Variants in INPP5A observed in about 807,000 individuals in gnomAD.
INPP5A encodes 43 kDa inositol polyphosphate 5-phophatase.
A neutral mutation model predicts 65.2 loss-of-function variants in INPP5A; 14 were observed. The ratio of observed to expected loss-of-function variants is 0.21; its 90% CI spans 0.14 to 0.34. The LOEUF (loss-of-function observed/expected upper bound fraction) is 0.34, where lower values mean the gene tolerates loss of function less well. Ranked by LOEUF, INPP5A falls within the 10% of genes least tolerant of loss-of-function variation. The pLI, the probability that INPP5A is intolerant of heterozygous loss-of-function variation, is 1.00. For missense variants in INPP5A, 431 were observed against 545.6 expected, an observed-to-expected ratio of 0.79 and a Z score of 2.09; for synonymous variants, 207 against 208.3, an observed-to-expected ratio of 0.99 and a Z score of 0.05.
intron 8 of INPP5A, among the ~76,000 whole-genome samples, chr10:132,725,605 G>C (rs112806915): frequency 1.3e-5 from 2 of 152,188 alleles, no homozygotes; most frequent in Non-Finnish European, 2.9e-5. Flanking sequence ...GGGCCCTACC[G>C]TGCCCCTCAT....
Position 132,538,253 on chromosome 10 carries a change from C to A in INPP5A, c.75+82C>A. On this transcript the variant is annotated intron_variant, in intron 1 of 15. Transcript: ENST00000368594. This position sits in a 1 kb window ranked among gnomAD's most constrained non-coding sequence, Gnocchi z 4.1. ...GGGGTCCCGAACTGCAAGCCTTGGA[C>A]CCTGGACCGTGAACCTCCAGACCCA... 1.2e-6 allele frequency: 1 copy of A among 817,938 alleles called. No individual in the cohort carries two copies. The highest frequency in any genetic ancestry group is 1.6e-6 in the Non-Finnish European group (1 of 621,556). 50.7% of individuals were successfully genotyped at this position (817,938 alleles called of 1,614,324 possible). A position where few individuals can be genotyped will look rare whatever the true frequency, so the allele number is the denominator to read the frequency against.
At chr10:132,715,308 C>T (rs1338981107) in intron 8 of INPP5A, among the ~76,000 whole-genome samples, 1 of 152,214 alleles carries the variant, frequency 6.6e-6, no homozygotes, top group Non-Finnish European at 1.5e-5. Context: ...TGTGAAATCT[C>T]GGCATAAAGC....
At chr10:132,679,821 C>G (rs1184330211) in intron 4 of INPP5A, among the ~76,000 whole-genome samples, 1 of 152,208 alleles carries the variant, frequency 6.6e-6, no homozygotes, top group African/African-American at 2.4e-5. Flanking sequence ...GGCACCCTGC[C>G]TGGGCAGCCA....
intron 9 of INPP5A, among the ~76,000 whole-genome samples, chr10:132,733,182 C>T (rs1423486392): frequency 2.0e-5 from 3 of 151,842 alleles, no homozygotes; most frequent in Non-Finnish European, 4.4e-5. Context: ...GGGCCCACCC[C>T]ACCCAGGATG....
intron 2 of INPP5A, among the ~76,000 whole-genome samples, chr10:132,620,283 A>C (rs1351492115): frequency 6.6e-6 from 1 of 152,210 alleles, no homozygotes; most frequent in Non-Finnish European, 1.5e-5. Flanking sequence ...GTTGCTTTAC[A>C]GCCTTTTTGA....
intron 4 of INPP5A, among the ~76,000 whole-genome samples, chr10:132,687,714 G>A (rs1170998170): frequency 6.6e-5 from 10 of 152,122 alleles, no homozygotes; most frequent in African/African-American, 2.2e-4. Context: ...ACCGAGGTCT[G>A]GCACTCATGA....
chr10:132,736,647 G>T (rs1846182091), intron 9 of INPP5A, among the ~76,000 whole-genome samples: 1 of 152,254 alleles, frequency 6.6e-6, no homozygotes, highest in Non-Finnish European at 1.5e-5. Flanking sequence ...GTTCAGTGGA[G>T]ACCATGGCCG....
At chr10:132,695,150 G>A (rs545799516) in intron 5 of INPP5A, among the ~76,000 whole-genome samples, 10 of 152,078 alleles carry the variant, frequency 6.6e-5, no homozygotes, top group African/African-American at 2.4e-4. Context: ...TATATACTAT[G>A]ACCAACCGAG....
intron 8 of INPP5A, among the ~76,000 whole-genome samples, chr10:132,718,378 G>GGTTC (rs532716215): frequency 1.1e-3 from 167 of 149,450 alleles, no homozygotes; most frequent in African/African-American, 4.0e-3. Context: ...GTGGTGCCTG[G>GGTTC]GTTCTGTCTG....
In INPP5A at chr10:132,587,613, G is replaced by A. The variant is rs750971665; in HGVS notation, c.76-20302G>A. ...TCTCCCTCTTTGTTGTTTGTATGCC[G>A]TGCTCAGAAGCTAGCCAGAGGATTC... On this transcript the variant is annotated intron_variant, in intron 1 of 15. Transcript: ENST00000368594. This position sits in a 1 kb window ranked among gnomAD's most constrained non-coding sequence, Gnocchi z 4.3. 5.9e-5 allele frequency among the ~76,000 whole-genome samples: 9 copies of A among 152,268 alleles called. No homozygotes were observed. Among genetic ancestry groups the A allele is most frequent in the South Asian group, 4.1e-4 (2 of 4,820 alleles).
At chr10:132,608,359 T>C (rs112517163) in intron 2 of INPP5A, among the ~76,000 whole-genome samples, 3,544 of 152,280 alleles carry the variant, frequency 0.023, 49 homozygotes, top group South Asian at 0.039. Context: ...AGAGAGTGGG[T>C]GCTGGGCTGG....
At chr10:132,628,475 G>GCC (rs1554937183) in intron 2 of INPP5A, among the ~76,000 whole-genome samples, 2 of 150,866 alleles carry the variant, frequency 1.3e-5, no homozygotes, top group Non-Finnish European at 3.0e-5. Context: ...GGGGGGGGGG[G>GCC]GGGCGTGGCG....
In INPP5A at chr10:132,588,379, G is replaced by C. The variant is rs542881695; in HGVS notation, c.76-19536G>C. Among the ~76,000 whole-genome samples the C allele has an allele frequency of 3.9e-4, 59 of 152,302 alleles. 1 individual carries two copies. Among genetic ancestry groups the C allele is most frequent in the African/African-American group, 1.4e-3 (57 of 41,558 alleles). On this transcript the variant is annotated intron_variant, in intron 1 of 15. Coordinates refer to ENST00000368594, the MANE Select transcript of INPP5A (RefSeq NM_005539.5). ...CTTGCAGACTGGGTCCTTTCTCACG[G>C]GCCTTCCTCCTGCACCGCCTGGACA...
intron 13 of INPP5A, 189 bp downstream of exon 13, chr10:132,777,971 G>GT: frequency 7.1e-7 from 1 of 1,400,776 alleles, no homozygotes; most frequent in Non-Finnish European, 9.3e-7. Context: ...CCAGCACCTG[G>GT]GCTGGGGCAG....
At chr10:132,729,383 G>A (rs1043729057) in intron 9 of INPP5A, among the ~76,000 whole-genome samples, 2 of 152,178 alleles carry the variant, frequency 1.3e-5, no homozygotes, top group Non-Finnish European at 2.9e-5. Context: ...ACCAAGATCA[G>A]TCCTATTTCT....
In INPP5A at chr10:132,663,849, C is replaced by A. The variant is rs1428056987; in HGVS notation, c.306+13344C>A. Reference sequence around the variant, plus strand: ...GGGCCGCGCTCACATCATTCCTCTCCCCCTGTCGCCGGGTGGGAAATCCGT... The same window carrying A: ...GGGCCGCGCTCACATCATTCCTCTCACCCTGTCGCCGGGTGGGAAATCCGT... On this transcript the variant is annotated intron_variant, in intron 4 of 15. Coordinates refer to ENST00000368594, the MANE Select transcript of INPP5A (RefSeq NM_005539.5). This position sits in a 1 kb window ranked among gnomAD's most constrained non-coding sequence, Gnocchi z 4.5. Among the ~76,000 whole-genome samples, 1 of 152,218 alleles carries A rather than the reference C, an allele frequency of 6.6e-6. No homozygotes were observed.
At chr10:132,734,024 C>T (rs560886534) in intron 9 of INPP5A, among the ~76,000 whole-genome samples, 2 of 152,374 alleles carry the variant, frequency 1.3e-5, no homozygotes, top group East Asian at 3.9e-4. Context: ...CAGGCAGCGT[C>T]TCCTCACGTC....
chr10:132,619,168 C>A (rs1158521128), intron 2 of INPP5A, among the ~76,000 whole-genome samples: 1 of 152,154 alleles, frequency 6.6e-6, no homozygotes, highest in Non-Finnish European at 1.5e-5. Flanking sequence ...CCTGCAAAAT[C>A]AAAAACAAGT....
intron 2 of INPP5A, among the ~76,000 whole-genome samples, chr10:132,617,765 A>G (rs1323239542): frequency 6.6e-6 from 1 of 152,194 alleles, no homozygotes; most frequent in Non-Finnish European, 1.5e-5. Flanking sequence ...AAAAGGATAA[A>G]CATTCTTTCC....
Sources: gnomAD v4.1 joint callset for allele counts (sites outside exome capture counted in the v4.1 genomes callset) on GRCh38, gnomAD v4.1.1 for gene constraint, Gnocchi (gnomAD v3.1) non-coding constraint, MANE v1.5 for transcripts, NCBI Gene and HGNC (gene_info 2026-07-23, HGNC 2026-07-21) for gene names.